MACROD2: variants seen among roughly 807,000 people sequenced by gnomAD.
MACROD2 encodes the protein mono-ADP ribosylhydrolase 2, also known as ADP-ribose glycohydrolase MACROD2.
In MACROD2, 36 loss-of-function variants were observed where a neutral mutation model predicts 70.4. The ratio of observed to expected loss-of-function variants is 0.51; its 90% CI spans 0.39 to 0.68. MACROD2 has a LOEUF of 0.68. Ranked by LOEUF, MACROD2 falls within the 30% of genes least tolerant of loss-of-function variation. MACROD2 has a pLI of 0.00. For missense variants in MACROD2, 496 were observed against 538.4 expected, an observed-to-expected ratio of 0.92 and a Z score of 0.78; for synonymous variants, 172 against 178.8, an observed-to-expected ratio of 0.96 and a Z score of 0.30.
At chr20:15,369,838 G>A (rs548747211) in intron 6 of MACROD2, among the ~76,000 whole-genome samples, 1 of 152,122 alleles carries the variant, frequency 6.6e-6, no homozygotes, top group Non-Finnish European at 1.5e-5. Flanking sequence ...AGTATAGGAT[G>A]TCATTTCTAC....
intron 6 of MACROD2, among the ~76,000 whole-genome samples, chr20:15,422,903 T>C (rs1300046240): frequency 6.6e-6 from 1 of 152,224 alleles, no homozygotes; most frequent in Non-Finnish European, 1.5e-5. Context: ...GTGCTTGTGC[T>C]TTCCATGTCA....
intron 8 of MACROD2, among the ~76,000 whole-genome samples, chr20:15,835,758 A>T (rs927151627): frequency 2.0e-5 from 3 of 152,216 alleles, no homozygotes; most frequent in Non-Finnish European, 4.4e-5. Flanking sequence ...TATAATAATG[A>T]GTTATGACTC....
intron 4 of MACROD2, among the ~76,000 whole-genome samples, chr20:14,673,519 G>C (rs1212368698): frequency 3.3e-5 from 5 of 152,130 alleles, no homozygotes; most frequent in Admixed American, 6.6e-5. Context: ...TGGTGACATT[G>C]ACCACAATTA....
At chr20:15,541,534 A>G (rs982915297) in intron 8 of MACROD2, among the ~76,000 whole-genome samples, 1 of 152,164 alleles carries the variant, frequency 6.6e-6, no homozygotes, top group African/African-American at 2.4e-5. Flanking sequence ...TGTTGATTCT[A>G]TAATATAAGT....
At chr20:14,344,290 G>C (rs996738035) in intron 3 of MACROD2, among the ~76,000 whole-genome samples, 1 of 152,054 alleles carries the variant, frequency 6.6e-6, no homozygotes, top group Admixed American at 6.6e-5. Flanking sequence ...CCAGATTTTC[G>C]GGGATCAAGT....
chr20:14,294,125 C>T (rs1356361100), intron 3 of MACROD2, among the ~76,000 whole-genome samples: 1 of 151,652 alleles, frequency 6.6e-6, no homozygotes, highest in Non-Finnish European at 1.5e-5. Flanking sequence ...TCACTTTTAA[C>T]CTTTTTATGT....
intron 3 of MACROD2, among the ~76,000 whole-genome samples, chr20:14,264,176 A>AG (rs11087081): frequency 1 from 151,865 of 152,306 alleles, 75,712 homozygotes; most frequent in East Asian, 1. Flanking sequence ...AGAAGTTGCT[A>AG]TAGCACCAAT....
At chr20:15,150,301 A>C (rs2076260049) in intron 5 of MACROD2, among the ~76,000 whole-genome samples, 1 of 151,924 alleles carries the variant, frequency 6.6e-6, no homozygotes, top group Admixed American at 6.6e-5. Flanking sequence ...ATAGTGAAAA[A>C]AGCATTTTTA....
At chr20:15,932,337 T>C (rs908850168) in intron 10 of MACROD2, among the ~76,000 whole-genome samples, 4 of 152,114 alleles carry the variant, frequency 2.6e-5, no homozygotes, top group Non-Finnish European at 5.9e-5. Context: ...GGTCCCAGAA[T>C]ATCACTTCCA....
chr20:14,405,797 A>G (rs2083685034), intron 3 of MACROD2, among the ~76,000 whole-genome samples: 1 of 152,120 alleles, frequency 6.6e-6, no homozygotes, highest in African/African-American at 2.4e-5. Flanking sequence ...ATTGGAGTGG[A>G]GATCTAAGTA....
intron 12 of MACROD2, among the ~76,000 whole-genome samples, chr20:15,945,113 AAC>A (rs1365309371): frequency 6.6e-6 from 1 of 152,192 alleles, no homozygotes; most frequent in African/African-American, 2.4e-5. Flanking sequence ...ATAAAATAAG[AAC>A]ACTAATAGCA....
At chr20:15,489,261 G>A (rs1401410122) in intron 7 of MACROD2, among the ~76,000 whole-genome samples, 1 of 152,184 alleles carries the variant, frequency 6.6e-6, no homozygotes, top group African/African-American at 2.4e-5. Context: ...ATGAGAAGAA[G>A]TACAGAATTT....
chr20:14,109,680 C>T (rs1232399367), intron 3 of MACROD2, among the ~76,000 whole-genome samples: 1 of 151,648 alleles, frequency 6.6e-6, no homozygotes, highest in Admixed American at 6.6e-5. Context: ...CACATACAAC[C>T]TATGAAAATT....
intron 8 of MACROD2, among the ~76,000 whole-genome samples, chr20:15,585,511 A>T (rs909334653): frequency 3.3e-5 from 5 of 151,856 alleles, no homozygotes; most frequent in Non-Finnish European, 7.4e-5. Flanking sequence ...CGTCCTTTTT[A>T]CCAAGTGCAG....
At chr20:14,193,953 AG>A (rs1479636273) in intron 3 of MACROD2, among the ~76,000 whole-genome samples, 11 of 152,208 alleles carry the variant, frequency 7.2e-5, no homozygotes, top group Admixed American at 2.6e-4. Context: ...ATGAAAATTT[AG>A]GGGACAGAAT....
chr20:14,717,377 G>A (rs1188272536), intron 5 of MACROD2, among the ~76,000 whole-genome samples: 3 of 152,018 alleles, frequency 2.0e-5, no homozygotes, highest in Non-Finnish European at 4.4e-5. Flanking sequence ...GGTGGTAAGA[G>A]GAAATATTAA....
chr20:15,469,799 T>C (rs2046941423), intron 7 of MACROD2, among the ~76,000 whole-genome samples: 1 of 152,170 alleles, frequency 6.6e-6, no homozygotes, highest in African/African-American at 2.4e-5. Flanking sequence ...CTCCTAGCAG[T>C]AATGTACCAA....
chr20:15,187,084 G>A (rs561889577), intron 5 of MACROD2, among the ~76,000 whole-genome samples: 6 of 152,268 alleles, frequency 3.9e-5, no homozygotes, highest in East Asian at 1.9e-4. Context: ...AAGAGCCAGC[G>A]ACATGATTGA....
intron 5 of MACROD2, among the ~76,000 whole-genome samples, chr20:15,025,605 C>T (rs1359857180): frequency 6.6e-6 from 1 of 152,062 alleles, no homozygotes; most frequent in Non-Finnish European, 1.5e-5. Flanking sequence ...TTTTAATAAC[C>T]CAAATGGGCT....
Sources: gnomAD v4.1 joint callset for allele counts (sites outside exome capture counted in the v4.1 genomes callset) on GRCh38, gnomAD v4.1.1 for gene constraint, MANE v1.5 for transcripts, NCBI Gene and HGNC (gene_info 2026-07-23, HGNC 2026-07-21) for gene names.